POLE: variants seen among roughly 807,000 people sequenced by gnomAD.
POLE encodes DNA polymerase epsilon, catalytic subunit, also known as DNA polymerase epsilon catalytic subunit A.
A neutral mutation model predicts 279.2 loss-of-function variants in POLE; 188 were observed. That is an observed-to-expected ratio of 0.67 (90% CI 0.60 to 0.76). POLE has a LOEUF of 0.76. Among genes scored for constraint, POLE ranks in the 30% least tolerant of loss-of-function variants. The pLI is 0.00. For synonymous variants in POLE, 1,214 were observed against 1,172.5 expected (o/e 1.04, Z -0.72); for missense variants, 2,703 against 3,016.7 (o/e 0.90, Z 2.44).
intron 9 of POLE, 54 bp from the exon 10 acceptor site, chr12:132,676,258 T>C: frequency 8.2e-7 from 1 of 1,222,642 alleles, no homozygotes; most frequent in Non-Finnish European, 1.2e-6. Context: ...AGCCAAGAAA[T>C]GGCGTTCCCA....
Position 132,659,376 on chromosome 12 carries a change from C to G in POLE, c.3194G>C (p.Gly1065Ala), listed in dbSNP as rs2138675946. 1 of 1,614,216 alleles carries G rather than the reference C, an allele frequency of 6.2e-7. No individual in the cohort carries two copies. The highest frequency in any genetic ancestry group is 8.5e-7 in the Non-Finnish European group (1 of 1,180,028). Residue 1065 changes from glycine (G) to alanine (A), a missense_variant, in exon 26 of 49, where the codon GGA becomes GCA. This residue lies in a region of POLE where 1,551 missense variants were observed against 1,686.1 expected (regional missense o/e 0.92). Coordinates refer to ENST00000320574, the MANE Select transcript of POLE (RefSeq NM_006231.4). ...CCCTGCATCCTTGACCATCTGGTCTCCCAGGAACTCGGCCAGGCGCTTTGC... is the reference window on the plus strand; with the variant it reads ...CCCTGCATCCTTGACCATCTGGTCTGCCAGGAACTCGGCCAGGCGCTTTGC... ...STAKRLAEFL[G>A]DQMVKDAGLS...
Position 132,657,337 on chromosome 12 carries a change from C to G in POLE, c.3459+12G>C, listed in dbSNP as rs1485726763. On this transcript the variant is annotated intron_variant, in intron 28 of 48. Coordinates refer to ENST00000320574, the MANE Select transcript of POLE (RefSeq NM_006231.4). Reference sequence around the variant, plus strand: ...TTAGCCCCACAGCCCGTGCCACTGACCCCGCCCTTACCTGCTGCAGGGCCG... The same window carrying G: ...TTAGCCCCACAGCCCGTGCCACTGAGCCCGCCCTTACCTGCTGCAGGGCCG... The G allele has an allele frequency of 6.2e-7, 1 of 1,613,976 alleles. No individual in the cohort carries two copies. The highest frequency in any genetic ancestry group is 1.3e-5 in the African/African-American group (1 of 74,904).
intron 45 of POLE, among the ~76,000 whole-genome samples, chr12:132,627,264 AGAGT>A (rs2041857604): frequency 6.6e-6 from 1 of 151,730 alleles, no homozygotes; most frequent in Admixed American, 6.6e-5. Context: ...CCTGAGTGAC[AGAGT>A]GAGACTCCAT....
chr12:132,681,909 GCA>G (rs1259128605), intron 1 of POLE, among the ~76,000 whole-genome samples: 2 of 152,214 alleles, frequency 1.3e-5, no homozygotes. Context: ...GTCAGGCCAG[GCA>G]CAGTGGCTCA....
intron 12 of POLE, among the ~76,000 whole-genome samples, chr12:132,674,012 C>T (rs1455456048): frequency 6.6e-6 from 1 of 152,142 alleles, no homozygotes; most frequent in Admixed American, 6.5e-5. Flanking sequence ...CCTTGGGCCT[C>T]TCCCCAGACC....
chr12:132,628,159 T>A (rs576145612), intron 45 of POLE, among the ~76,000 whole-genome samples: 1 of 151,762 alleles, frequency 6.6e-6, no homozygotes, highest in Non-Finnish European at 1.5e-5. Flanking sequence ...CTGGCTAACA[T>A]GGTGAAACCC....
At position 132,643,890 on chromosome 12, in the gene POLE, C is replaced by T. The variant is rs372901803; in HGVS notation, c.4237G>A (p.Glu1413Lys). ...GGCGCTGACAGCTCAGCGTTGATCT[C>T]GTTGATGTGTTCCTGGTACATGTCC... ...PEDMYQEHIN[E>K]INAELSAPDI... The change falls in exon 33 of 49, where the codon GAG (glutamate) becomes AAG (lysine). Residue 1413 changes from glutamate to lysine, a missense_variant. Coordinates refer to ENST00000320574, the MANE Select transcript of POLE (RefSeq NM_006231.4). The T allele has an allele frequency of 1.2e-4, 199 of 1,614,158 alleles. No homozygotes were observed. Among genetic ancestry groups the T allele is most frequent in the Admixed American group, 8.3e-4 (50 of 60,014 alleles).
rs2042849732 is a variant in POLE, at chr12:132,668,566, T to G, written c.2027-64A>C. 6.4e-7 allele frequency: 1 copy of G among 1,570,336 alleles called. No homozygotes were observed. The highest frequency in any genetic ancestry group is 8.7e-7 in the Non-Finnish European group (1 of 1,152,570). On this transcript the variant is annotated intron_variant, in intron 18 of 48. Transcript: ENST00000320574. The surrounding 1 kb of genome is among the most constrained non-coding windows in gnomAD (Gnocchi z 4.0). ...ACAGACACACCGGCTTCCCACCAAGTGGAGAAAGGCGGCCGACACTCACCC... is the reference window on the plus strand; with the variant it reads ...ACAGACACACCGGCTTCCCACCAAGGGGAGAAAGGCGGCCGACACTCACCC...
rs367902268 is a variant in POLE at position 132,668,668 on chromosome 12, G to A, written c.1993C>T (p.Arg665Trp). The change falls in exon 18 of 49, where the codon CGG becomes TGG. Residue 665 changes from arginine to tryptophan, a missense_variant. Physicochemically the swap from Arg to Trp is moderately radical, Grantham distance 101. This residue lies in a region of POLE where 1,011 missense variants were observed against 1,111.7 expected (regional missense o/e 0.91). Coordinates refer to ENST00000320574, the MANE Select transcript of POLE (RefSeq NM_006231.4). This position sits in a 1 kb window ranked among gnomAD's most constrained non-coding sequence, Gnocchi z 4.0. The part of the protein sequence containing the change: ...DFNKPGANCQ[R>W]KMAWQWRGEF... The stretch of plus-strand genomic sequence containing the variant: ...CCCCTCCACTGCCAGGCCATCTTCC[G>A]CTGGCAGTTTGCTCCAGGCTTATTG... 2.7e-5 allele frequency: 44 copies of A among 1,613,592 alleles called. No individual in the cohort carries two copies. The highest frequency in any genetic ancestry group is 8.8e-5 in the South Asian group (8 of 91,080).
In POLE at chr12:132,624,647, G is replaced by T; in HGVS notation, c.*50C>A. 2 of 1,016,094 alleles carry T rather than the reference G, an allele frequency of 2.0e-6. No individual in the cohort carries two copies. Among genetic ancestry groups the T allele is most frequent in the Non-Finnish European group, 1.6e-6 (1 of 635,560 alleles). The allele number at this position is 1,016,094 out of a possible 1,614,324, so 62.9% of individuals were successfully genotyped here. ...CTGGAAGCACGGGGATGTGGCCTTGGCATCAGGAGGCCTGGCACGGACGCA... is the reference window on the plus strand; with the variant it reads ...CTGGAAGCACGGGGATGTGGCCTTGTCATCAGGAGGCCTGGCACGGACGCA... On this transcript the variant is annotated 3_prime_UTR_variant, in exon 49 of 49. Transcript: ENST00000320574.
chr12:132,669,324 G>A (rs771650367), intron 16 of POLE, among the ~76,000 whole-genome samples: 3 of 152,006 alleles, frequency 2.0e-5, no homozygotes, highest in Non-Finnish European at 4.4e-5. Flanking sequence ...AATTAGCCGT[G>A]TGTGGCGGTG....
Position 132,657,146 on chromosome 12 carries a change from C to A in POLE, c.3572G>T (p.Gly1191Val), listed in dbSNP as rs1429556469. Residue 1191 changes from glycine to valine, a missense_variant, in exon 29 of 49, where the codon GGC becomes GTC. Gly to Val is a moderately radical substitution (Grantham distance 109). Transcript: ENST00000320574. ...GGGCCCCACCGTCACCTGTCTCCTGCCCTCCAGGGTGAAGAGCTCACTGAT... is the reference window on the plus strand; with the variant it reads ...GGGCCCCACCGTCACCTGTCTCCTGACCTCCAGGGTGAAGAGCTCACTGAT... ...KKISELFTLEGRRQVTMAEAS... is the reference protein window; with the variant it reads ...KKISELFTLEVRRQVTMAEAS... The A allele has an allele frequency of 1.9e-6, 3 of 1,614,010 alleles. No individual in the cohort carries two copies. The highest frequency in any genetic ancestry group is 1.7e-5 in the Admixed American group (1 of 60,012).
At chr12:132,648,788 C>A in intron 32 of POLE, 141 bp downstream of exon 32, 3 of 908,080 alleles carry the variant, frequency 3.3e-6, no homozygotes, top group Non-Finnish European at 5.0e-6. Flanking sequence ...GTGCTCAGCG[C>A]TCACACACGT....
Position 132,672,626 on chromosome 12 carries a change from C to G in POLE, c.1686+1G>C, listed in dbSNP as rs1555228250. On this transcript the variant is annotated splice_donor_variant, in intron 15 of 48. Coordinates refer to ENST00000320574, the MANE Select transcript of POLE (RefSeq NM_006231.4). LOFTEE classifies it high-confidence loss of function. ...ATCTGAATCCCAGGGAAGAAGCACACCATCCTAAACCGGCAAGGGATATCG... is the reference window on the plus strand; with the variant it reads ...ATCTGAATCCCAGGGAAGAAGCACAGCATCCTAAACCGGCAAGGGATATCG... The G allele has an allele frequency of 1.2e-6, 2 of 1,613,880 alleles. No individual in the cohort carries two copies. The highest frequency in any genetic ancestry group is 8.5e-7 in the Non-Finnish European group (1 of 1,179,882).
At position 132,649,067 on chromosome 12, in the gene POLE, G is replaced by A. The variant is rs756716850; in HGVS notation, c.4011C>T (p.Ser1337=). 2.5e-5 allele frequency: 41 copies of A among 1,610,936 alleles called. No individual in the cohort carries two copies. The highest frequency in any genetic ancestry group is 1.7e-4 in the Middle Eastern group (1 of 5,862). ...LDLPWQIVQI[S]ETSQAGLFRL... Reference sequence around the variant, plus strand: ...TGAACAGGCCGGCCTGGCTGGTCTCGCTGATCTGAAAGGCCACACGGACAT... The same window carrying A: ...TGAACAGGCCGGCCTGGCTGGTCTCACTGATCTGAAAGGCCACACGGACAT... The change falls in exon 32 of 49, where the codon AGC becomes AGT. Residue 1337 remains serine (S), a synonymous_variant. Coordinates refer to ENST00000320574, the MANE Select transcript of POLE (RefSeq NM_006231.4).
rs748871390 is a variant in POLE, at chr12:132,659,435, A to G, written c.3135T>C (p.Asp1045=). 1.1e-5 allele frequency: 17 copies of G among 1,614,180 alleles called. 1 individual carries two copies. In the Middle Eastern group the frequency reaches 6.6e-4, roughly 63 times the overall value. Residue 1045 remains aspartate (D), a synonymous_variant, in exon 26 of 49, where the codon GAT becomes GAC. Transcript: ENST00000320574. ...TGGACGTAGACTTCTGCTCCCCGTAATCTTCCAGCTTCCGAGACATGGAAC... is the reference window on the plus strand; with the variant it reads ...TGGACGTAGACTTCTGCTCCCCGTAGTCTTCCAGCTTCCGAGACATGGAAC... ...ENRSMSRKLE[D]YGEQKSTSIS...
chr12:132,680,402 C>A (rs144435025), intron 3 of POLE, 180 bp from the exon 4 acceptor site: 23 of 671,792 alleles, frequency 3.4e-5, no homozygotes, highest in African/African-American at 2.7e-4. Context: ...CTGAAAGACA[C>A]GCTACTTCTC....
At chr12:132,644,000 C>T in intron 32 of POLE, 23 bp from the exon 33 acceptor site, 1 of 1,607,296 alleles carries the variant, frequency 6.2e-7, no homozygotes, top group Non-Finnish European at 8.5e-7. Context: ...CGACGATGAT[C>T]TCGTCACTGG....
chr12:132,626,074 T>C (rs781040062), intron 46 of POLE, 43 bp downstream of exon 46: 10 of 1,541,288 alleles, frequency 6.5e-6, no homozygotes, highest in Non-Finnish European at 8.8e-6. Context: ...TGCCCTCGGA[T>C]GTTCTGCTCC....
Sources: allele counts gnomAD v4.1 joint callset (sites outside exome capture counted in the v4.1 genomes callset), GRCh38; gene constraint gnomAD v4.1.1; regional missense constraint gnomAD v4.1.1; non-coding constraint Gnocchi (gnomAD v3.1); transcripts MANE v1.5; gene names NCBI Gene and HGNC (gene_info 2026-07-23, HGNC 2026-07-21).